Variants in COL21A1 observed in about 807,000 individuals in gnomAD.
COL21A1 encodes collagen type XXI alpha 1 chain, also known as collagen alpha-1(XXI) chain.
Under a neutral mutation model 137.9 loss-of-function variants are expected in COL21A1, and 149 were observed. That is an observed-to-expected ratio of 1.08 (90% confidence interval 0.95 to 1.24). The LOEUF (loss-of-function observed/expected upper bound fraction) is 1.24. Ranked by LOEUF, COL21A1 falls within the 50% of genes most tolerant of loss-of-function variation. COL21A1 has a pLI of 0.00. For missense variants in COL21A1, 1,167 were observed against 1,158.4 expected (o/e 1.01, Z -0.11); for synonymous variants, 456 against 391.5 (o/e 1.16, Z -1.95).
At chr6:56,096,155 T>TC (rs887537847) in intron 17 of COL21A1, among the ~76,000 whole-genome samples, 15 of 151,506 alleles carry the variant, frequency 9.9e-5, no homozygotes, top group African/African-American at 3.1e-4. Flanking sequence ...CCTGCATTTT[T>TC]TTTTTTTAAA....
intron 1 of COL21A1, among the ~76,000 whole-genome samples, chr6:56,342,129 A>T (rs1765485115): frequency 6.6e-6 from 1 of 152,138 alleles, no homozygotes; most frequent in Non-Finnish European, 1.5e-5. Flanking sequence ...CTGCTTATAC[A>T]TTGTAATTTG....
At chr6:56,391,745 T>C (rs949708548) in intron 1 of COL21A1, among the ~76,000 whole-genome samples, 2 of 152,174 alleles carry the variant, frequency 1.3e-5, no homozygotes, top group African/African-American at 4.8e-5. Context: ...CATTTATAGA[T>C]GTTATAGAAC....
chr6:56,124,205 C>T lies in COL21A1; in HGVS notation c.1704+34G>A, dbSNP rs1439966419. On this transcript the variant is annotated intron_variant, in intron 15 of 29. Transcript: ENST00000244728. ...ACTATAAGATAGATTTTATTTAAAG[C>T]AAAATACTAAGAGCTTTTTTCTATC... 1.3e-5 allele frequency: 21 copies of T among 1,565,576 alleles called. No individual in the cohort carries two copies. In the East Asian group the frequency reaches 4.9e-4, roughly 37 times the overall value.
chr6:56,284,258 TGCCCAG>T (rs2152334473), intron 1 of COL21A1, among the ~76,000 whole-genome samples: 1 of 152,284 alleles, frequency 6.6e-6, no homozygotes, highest in Admixed American at 6.5e-5. Context: ...TTCACGATGT[TGCCCAG>T]GCTGGTCTCT....
chr6:56,098,432 T>A lies in COL21A1; in HGVS notation c.1812+3040A>T, dbSNP rs1199366261. Reference sequence around the variant, plus strand: ...ATATATAAATATATAAATATATAAATATATATAAATATATATATATATATA... The same window carrying A: ...ATATATAAATATATAAATATATAAAAATATATAAATATATATATATATATA... On this transcript the variant is annotated intron_variant, in intron 17 of 29. Coordinates refer to ENST00000244728, the MANE Select transcript of COL21A1 (RefSeq NM_030820.4). 2.4e-3 allele frequency among the ~76,000 whole-genome samples: 17 copies of A among 7,114 alleles called. 1 individual carries two copies. Among genetic ancestry groups the A allele is most frequent in the Non-Finnish European group, 3.1e-3 (15 of 4,862 alleles). The allele number at this position is 7,114 out of a possible 152,430, so 4.7% of individuals were successfully genotyped here.
chr6:56,125,372 A>C, intron 14 of COL21A1, 195 bp downstream of exon 14: 1 of 398,736 alleles, frequency 2.5e-6, no homozygotes, highest in Non-Finnish European at 4.5e-6. Flanking sequence ...ATCTTATAGG[A>C]TACCATACAT....
intron 16 of COL21A1, among the ~76,000 whole-genome samples, chr6:56,106,919 T>C (rs954436126): frequency 5.9e-5 from 9 of 152,182 alleles, no homozygotes; most frequent in Middle Eastern, 3.4e-3. Context: ...CCTCAGTAGC[T>C]GGGACTACAG....
At chr6:56,190,674 C>G (rs749105186) in intron 1 of COL21A1, among the ~76,000 whole-genome samples, 2 of 152,090 alleles carry the variant, frequency 1.3e-5, no homozygotes, top group Non-Finnish European at 2.9e-5. Flanking sequence ...TGATGAACAT[C>G]GACGCAAAAA....
At chr6:56,316,436 A>G (rs1343919999) in intron 1 of COL21A1, among the ~76,000 whole-genome samples, 1 of 151,102 alleles carries the variant, frequency 6.6e-6, no homozygotes, top group Admixed American at 6.6e-5. Flanking sequence ...CTACTAAGAA[A>G]AACTACAATT....
At chr6:56,105,250 G>T (rs775251613) in intron 16 of COL21A1, among the ~76,000 whole-genome samples, 1 of 152,026 alleles carries the variant, frequency 6.6e-6, no homozygotes, top group Non-Finnish European at 1.5e-5. Flanking sequence ...TGCATAAAAT[G>T]CCATTAATAC....
intron 1 of COL21A1, among the ~76,000 whole-genome samples, chr6:56,261,963 C>G (rs1316559012): frequency 6.6e-6 from 1 of 152,180 alleles, no homozygotes; most frequent in East Asian, 1.9e-4. Context: ...ATTTTATTAT[C>G]CAAAACTGCA....
chr6:56,158,794 C>T (rs1049086463), intron 9 of COL21A1, among the ~76,000 whole-genome samples: 1 of 151,914 alleles, frequency 6.6e-6, no homozygotes, highest in East Asian at 1.9e-4. Flanking sequence ...CAGCTGCCCC[C>T]CAAGAGGCTT....
intron 1 of COL21A1, among the ~76,000 whole-genome samples, chr6:56,285,533 T>A (rs186887945): frequency 6.6e-6 from 1 of 152,284 alleles, no homozygotes; most frequent in African/African-American, 2.4e-5. Flanking sequence ...AGAATAAATA[T>A]ACTTTAAAGG....
At chr6:56,337,570 T>C (rs888248866) in intron 1 of COL21A1, among the ~76,000 whole-genome samples, 2 of 152,218 alleles carry the variant, frequency 1.3e-5, no homozygotes, top group African/African-American at 4.8e-5. Context: ...TCCCTGGCCA[T>C]ATTGAGGCCC....
At chr6:56,284,631 A>T (rs747285551) in intron 1 of COL21A1, among the ~76,000 whole-genome samples, 1 of 152,052 alleles carries the variant, frequency 6.6e-6, no homozygotes, top group Non-Finnish European at 1.5e-5. Context: ...TGCCAGAATT[A>T]CCATTCTAAG....
intron 1 of COL21A1, among the ~76,000 whole-genome samples, chr6:56,231,587 T>C (rs893717819): frequency 3.3e-5 from 5 of 151,836 alleles, no homozygotes; most frequent in African/African-American, 1.2e-4. Flanking sequence ...CCATTTCCAA[T>C]TGGCTACCAT....
intron 2 of COL21A1, among the ~76,000 whole-genome samples, chr6:56,180,662 A>T (rs929419156): frequency 6.6e-6 from 1 of 152,230 alleles, no homozygotes; most frequent in Admixed American, 6.5e-5. Flanking sequence ...GTTACATTTG[A>T]ACAAGTTATA....
chr6:56,281,762 T>C (rs2397214), intron 1 of COL21A1, among the ~76,000 whole-genome samples: 76,897 of 151,932 alleles, frequency 0.51, 20,714 homozygotes, highest in East Asian at 0.85. Context: ...ACCTGATCCT[T>C]GTATTAATTG....
At chr6:56,153,659 C>A (rs1305009255) in intron 10 of COL21A1, among the ~76,000 whole-genome samples, 1 of 152,170 alleles carries the variant, frequency 6.6e-6, no homozygotes, top group Non-Finnish European at 1.5e-5. Flanking sequence ...AAATCCTACT[C>A]ATCAAGGTCC....
Sources: allele counts gnomAD v4.1 joint callset (sites outside exome capture counted in the v4.1 genomes callset), GRCh38; gene constraint gnomAD v4.1.1; transcripts MANE v1.5; gene names NCBI Gene and HGNC (gene_info 2026-07-23, HGNC 2026-07-21).